DENND5A: variants seen among roughly 807,000 people sequenced by gnomAD.
The protein encoded by DENND5A is DENN domain-containing protein 5A.
A neutral mutation model predicts 140.3 loss-of-function variants in DENND5A; 64 were observed. That is an observed-to-expected ratio of 0.46 (90% CI 0.37 to 0.56). DENND5A has a LOEUF of 0.56. Among genes scored for constraint, DENND5A ranks in the 20% least tolerant of loss-of-function variants. The pLI is 0.00. For synonymous variants in DENND5A, 605 were observed against 607.7 expected, an observed-to-expected ratio of 1.00 and a Z score of 0.07; for missense variants, 1,292 against 1,593.8, an observed-to-expected ratio of 0.81 and a Z score of 3.22.
At chr11:9,147,191 G>A (rs768957563) in intron 15 of DENND5A, 40 bp from the exon 16 acceptor site, 32 of 1,603,060 alleles carry the variant, frequency 2.0e-5, no homozygotes, top group Non-Finnish European at 2.6e-5. Flanking sequence ...CCGACCAAAA[G>A]GAAGGGAAAG....
intron 17 of DENND5A, 39 bp downstream of exon 17, chr11:9,145,631 T>A (rs1167522202): frequency 6.2e-7 from 1 of 1,611,682 alleles, no homozygotes; most frequent in African/African-American, 1.3e-5. Flanking sequence ...TGTTGCAAAC[T>A]CAGATCCCCA....
rs1043819303 is a variant in DENND5A, at chr11:9,205,294, C to G, written c.292-977G>C. On this transcript the variant is annotated intron_variant, in intron 3 of 22. Coordinates refer to ENST00000328194, the MANE Select transcript of DENND5A (RefSeq NM_015213.4). ...CGAACTGACCTGAATCAATCAGTTC[C>G]CATTTTCCAGTTTTACATGAACCTG... Among the ~76,000 whole-genome samples the G allele has an allele frequency of 2.0e-5, 3 of 152,070 alleles. No individual in the cohort carries two copies. In the East Asian group the frequency reaches 5.8e-4, roughly 29 times the overall value.
At chr11:9,206,501 T>G (rs776609671) in intron 3 of DENND5A, among the ~76,000 whole-genome samples, 172 bp downstream of exon 3, 7 of 152,236 alleles carry the variant, frequency 4.6e-5, no homozygotes, top group Non-Finnish European at 1.0e-4. Flanking sequence ...TAATATATTC[T>G]GAATATTTGG....
At chr11:9,164,059 T>TTTTG (rs1848090620) in intron 11 of DENND5A, among the ~76,000 whole-genome samples, 1 of 69,820 alleles carries the variant, frequency 1.4e-5, no homozygotes, top group Non-Finnish European at 2.8e-5. Flanking sequence ...TAATCAGGTT[T>TTTTG]TTTTTTTTTT....
chr11:9,247,240 A>C (rs1851515854), intron 1 of DENND5A, among the ~76,000 whole-genome samples: 1 of 151,686 alleles, frequency 6.6e-6, no homozygotes, highest in South Asian at 2.1e-4. Flanking sequence ...AAAAAAAAAA[A>C]AAAAAAACCC....
chr11:9,194,366 A>C (rs762788148), intron 4 of DENND5A, among the ~76,000 whole-genome samples: 8 of 152,164 alleles, frequency 5.3e-5, no homozygotes, highest in Non-Finnish European at 1.0e-4. Context: ...GGAGTTCGAG[A>C]CCAGACTGGC....
chr11:9,229,899 C>CTTTTTT (rs71062816), intron 1 of DENND5A, among the ~76,000 whole-genome samples: 983 of 64,946 alleles, frequency 0.015, 8 homozygotes, highest in Non-Finnish European at 0.017. Context: ...GCTCCCATTT[C>CTTTTTT]TTTTTTTTTT....
chr11:9,177,729 A>C (rs1227256030), intron 8 of DENND5A, among the ~76,000 whole-genome samples: 2 of 151,736 alleles, frequency 1.3e-5, no homozygotes, highest in African/African-American at 4.8e-5. Flanking sequence ...TTTAAAAAAA[A>C]AAAAAATGAG....
chr11:9,208,146 GA>G (rs1164248338), intron 1 of DENND5A, among the ~76,000 whole-genome samples: 1 of 152,190 alleles, frequency 6.6e-6, no homozygotes, highest in Non-Finnish European at 1.5e-5. Context: ...AAGGGACTTA[GA>G]TATTGTGAGG....
chr11:9,230,294 G>A (rs1438493178), intron 1 of DENND5A, among the ~76,000 whole-genome samples: 2 of 130,278 alleles, frequency 1.5e-5, no homozygotes, highest in Middle Eastern at 5.3e-3. Flanking sequence ...AGGCCAAAGT[G>A]CAGTGGTGCA....
chr11:9,259,739 CTA>C (rs377318660), intron 1 of DENND5A, among the ~76,000 whole-genome samples: 16 of 151,856 alleles, frequency 1.1e-4, no homozygotes, highest in African/African-American at 3.9e-4. Context: ...CATTAAGAGA[CTA>C]TTTCAGGCCA....
intron 1 of DENND5A, among the ~76,000 whole-genome samples, chr11:9,260,216 C>T (rs891500847): frequency 3.3e-5 from 5 of 152,002 alleles, no homozygotes; most frequent in African/African-American, 4.8e-5. Flanking sequence ...ACCTAGGATA[C>T]TTATATCTCA....
At chr11:9,244,915 G>A (rs1233966023) in intron 1 of DENND5A, among the ~76,000 whole-genome samples, 3 of 151,994 alleles carry the variant, frequency 2.0e-5, no homozygotes, top group Admixed American at 6.5e-5. Context: ...GGGCTCAAGC[G>A]ATCCACCCTC....
chr11:9,189,940 A>T (rs1849058823), intron 5 of DENND5A, among the ~76,000 whole-genome samples: 2 of 152,280 alleles, frequency 1.3e-5, no homozygotes, highest in South Asian at 2.1e-4. Flanking sequence ...GTGCCCAGCC[A>T]GGGAATCCAC....
At chr11:9,223,270 G>A (rs895848910) in intron 1 of DENND5A, among the ~76,000 whole-genome samples, 7 of 152,280 alleles carry the variant, frequency 4.6e-5, no homozygotes, top group Middle Eastern at 3.4e-3. Context: ...TCTCACGCCT[G>A]TAATCCCAGC....
At chr11:9,229,417 G>T (rs1850668792) in intron 1 of DENND5A, among the ~76,000 whole-genome samples, 1 of 152,070 alleles carries the variant, frequency 6.6e-6, no homozygotes, top group African/African-American at 2.4e-5. Context: ...GAGACCGGAA[G>T]ACCTCAGAAA....
chr11:9,257,030 C>G (rs1481807772), intron 1 of DENND5A, among the ~76,000 whole-genome samples: 1 of 151,880 alleles, frequency 6.6e-6, no homozygotes, highest in Non-Finnish European at 1.5e-5. Context: ...GCTTCTTTTT[C>G]TTTTTTCTGA....
intron 1 of DENND5A, among the ~76,000 whole-genome samples, chr11:9,238,113 G>A (rs868712231): frequency 6.6e-6 from 1 of 152,128 alleles, no homozygotes; most frequent in Non-Finnish European, 1.5e-5. Context: ...AATTCAACTT[G>A]AGTGGGTTTT....
At chr11:9,220,419 T>C (rs1850263874) in intron 1 of DENND5A, among the ~76,000 whole-genome samples, 1 of 151,906 alleles carries the variant, frequency 6.6e-6, no homozygotes, top group African/African-American at 2.4e-5. Context: ...TGGTGGCACA[T>C]GCCCGTAATC....
Sources: allele counts gnomAD v4.1 joint callset (sites outside exome capture counted in the v4.1 genomes callset), GRCh38; gene constraint gnomAD v4.1.1; transcripts MANE v1.5; gene names NCBI Gene and HGNC (gene_info 2026-07-23, HGNC 2026-07-21).